The following FHIT variants were observed in gnomAD, a reference collection of about 807,000 sequenced individuals.
The protein encoded by FHIT is bis(5'-adenosyl)-triphosphatase.
FHIT carries 19 observed loss-of-function variants against 17.9 expected under a neutral mutation model. The ratio of observed to expected loss-of-function variants is 1.06; its 90% CI spans 0.74 to 1.56. FHIT has a LOEUF of 1.56. Ranked by LOEUF, FHIT falls within the 40% of genes most tolerant of loss-of-function variation. The probability of loss-of-function intolerance (pLI) is 0.00; values close to 1 mark genes in which losing one functional copy is unlikely to be tolerated. For missense variants in FHIT, 248 were observed against 189.2 expected, an observed-to-expected ratio of 1.31 and a Z score of -1.82; for synonymous variants, 81 against 69.7, an observed-to-expected ratio of 1.16 and a Z score of -0.81.
At chr3:60,111,097 G>T (rs1439233632) in intron 5 of FHIT, among the ~76,000 whole-genome samples, 2 of 150,524 alleles carry the variant, frequency 1.3e-5, no homozygotes, top group Admixed American at 1.3e-4. Flanking sequence ...AGGCCAAGAA[G>T]AAAAAAAAGT....
chr3:60,316,753 G>T (rs370917492), intron 5 of FHIT, among the ~76,000 whole-genome samples: 2 of 152,262 alleles, frequency 1.3e-5, no homozygotes, highest in East Asian at 1.9e-4. Flanking sequence ...GCAAACCATG[G>T]TTCCAACAAC....
chr3:59,754,361 A>G (rs1427596148), intron 8 of FHIT, among the ~76,000 whole-genome samples: 1 of 152,218 alleles, frequency 6.6e-6, no homozygotes, highest in Non-Finnish European at 1.5e-5. Context: ...GTGAAAGAAA[A>G]CCACATTAAG....
At chr3:61,248,794 TA>T (rs1396025302) in intron 1 of FHIT, among the ~76,000 whole-genome samples, 1 of 152,208 alleles carries the variant, frequency 6.6e-6, no homozygotes, top group African/African-American at 2.4e-5. Context: ...CTAAAAAGGT[TA>T]TCCACACTAC....
intron 5 of FHIT, among the ~76,000 whole-genome samples, chr3:60,270,336 T>A (rs1477414574): frequency 6.6e-6 from 1 of 152,206 alleles, no homozygotes; most frequent in East Asian, 1.9e-4. Context: ...GTCCTTCACA[T>A]ACAATCCCTA....
chr3:60,016,591 A>C (rs1328443663), intron 5 of FHIT, among the ~76,000 whole-genome samples: 1 of 152,208 alleles, frequency 6.6e-6, no homozygotes, highest in Non-Finnish European at 1.5e-5. Context: ...TAATGTCCGC[A>C]ACTGTCATGC....
chr3:60,680,659 A>C (rs1356571050), intron 4 of FHIT, among the ~76,000 whole-genome samples: 1 of 152,020 alleles, frequency 6.6e-6, no homozygotes, highest in African/African-American at 2.4e-5. Flanking sequence ...AAAATCATCA[A>C]GATATTTTCA....
chr3:60,753,507 C>A (rs2042510745), intron 4 of FHIT, among the ~76,000 whole-genome samples: 1 of 152,218 alleles, frequency 6.6e-6, no homozygotes, highest in South Asian at 2.1e-4. Context: ...AGGGAGCGAT[C>A]CACTCTCCAA....
At chr3:60,294,411 G>A (rs774746228) in intron 5 of FHIT, among the ~76,000 whole-genome samples, 2 of 152,142 alleles carry the variant, frequency 1.3e-5, no homozygotes, top group Non-Finnish European at 2.9e-5. Context: ...GAAATATGAA[G>A]AACGTGACCA....
chr3:61,228,676 A>G (rs977636084), intron 1 of FHIT, among the ~76,000 whole-genome samples: 1 of 152,186 alleles, frequency 6.6e-6, no homozygotes, highest in Non-Finnish European at 1.5e-5. Flanking sequence ...GGTCTTATCT[A>G]GAGTTCAACC....
intron 8 of FHIT, among the ~76,000 whole-genome samples, chr3:59,852,400 C>T (rs1482942672): frequency 6.6e-6 from 1 of 152,142 alleles, no homozygotes; most frequent in African/African-American, 2.4e-5. Flanking sequence ...TTTAGGTTTA[C>T]AGCAAAACTG....
intron 4 of FHIT, among the ~76,000 whole-genome samples, chr3:60,684,419 A>G (rs1427522273): frequency 2.0e-5 from 3 of 152,100 alleles, no homozygotes; most frequent in Non-Finnish European, 2.9e-5. Context: ...ACACTCACCG[A>G]AGGCCACATA....
intron 5 of FHIT, among the ~76,000 whole-genome samples, chr3:60,374,250 A>G (rs1700451314): frequency 6.6e-6 from 1 of 152,160 alleles, no homozygotes; most frequent in South Asian, 2.1e-4. Context: ...ATCATTTTAA[A>G]AGACCCACTG....
At chr3:61,227,083 T>A (rs2039989367) in intron 1 of FHIT, among the ~76,000 whole-genome samples, 1 of 152,192 alleles carries the variant, frequency 6.6e-6, no homozygotes, top group Admixed American at 6.5e-5. Context: ...ACATTTAAGT[T>A]AAGGTCAGAA....
chr3:60,183,244 A>T (rs764454515), intron 5 of FHIT, among the ~76,000 whole-genome samples: 16 of 152,118 alleles, frequency 1.1e-4, no homozygotes, highest in Non-Finnish European at 1.5e-4. Flanking sequence ...CTAAAAATAC[A>T]AAAATTAGCT....
At chr3:59,855,913 T>G (rs895304891) in intron 8 of FHIT, among the ~76,000 whole-genome samples, 34 of 150,134 alleles carry the variant, frequency 2.3e-4, no homozygotes, top group African/African-American at 7.7e-4. Flanking sequence ...CCCAAGTAGC[T>G]GGGACTACAG....
intron 5 of FHIT, among the ~76,000 whole-genome samples, chr3:60,232,621 G>A (rs1465659158): frequency 6.6e-6 from 1 of 152,076 alleles, no homozygotes; most frequent in East Asian, 1.9e-4. Context: ...TGGGTTTCCT[G>A]GGCCAGACTC....
chr3:61,228,907 T>C (rs578143721), intron 1 of FHIT, among the ~76,000 whole-genome samples: 3 of 152,168 alleles, frequency 2.0e-5, no homozygotes, highest in Non-Finnish European at 2.9e-5. Flanking sequence ...CAAGGTACCA[T>C]GCAAGGCAAA....
At chr3:60,181,081 A>G (rs1348771398) in intron 5 of FHIT, among the ~76,000 whole-genome samples, 3 of 152,148 alleles carry the variant, frequency 2.0e-5, no homozygotes, top group Admixed American at 6.5e-5. Flanking sequence ...GTAACAAAAT[A>G]AAGTTGCACC....
At chr3:60,820,932 A>G (rs1701903875) in intron 4 of FHIT, among the ~76,000 whole-genome samples, 1 of 151,422 alleles carries the variant, frequency 6.6e-6, no homozygotes, top group Non-Finnish European at 1.5e-5. Flanking sequence ...CATGCTAGAG[A>G]TTACCAGATT....
Sources: allele counts gnomAD v4.1 joint callset (sites outside exome capture counted in the v4.1 genomes callset), GRCh38; gene constraint gnomAD v4.1.1; transcripts MANE v1.5; gene names NCBI Gene and HGNC (gene_info 2026-07-23, HGNC 2026-07-21).